MINDY2: variants seen among roughly 807,000 people sequenced by gnomAD.
The protein encoded by MINDY2 is ubiquitin carboxyl-terminal hydrolase MINDY-2.
MINDY2 carries 52 observed loss-of-function variants against 68.2 expected under a neutral mutation model. The ratio of observed to expected loss-of-function variants is 0.76; its 90% CI spans 0.61 to 0.96. The LOEUF (loss-of-function observed/expected upper bound fraction) is 0.96. MINDY2 is among the 40% of genes least tolerant of loss of function. MINDY2 has a pLI of 0.00. For missense variants in MINDY2, 881 were observed against 773.4 expected (o/e 1.14, Z -1.65); for synonymous variants, 372 against 303.0 (o/e 1.23, Z -2.36).
At chr15:58,847,614 T>A in intron 7 of MINDY2, 144 bp downstream of exon 7, 1 of 610,996 alleles carries the variant, frequency 1.6e-6, no homozygotes, top group Non-Finnish European at 2.7e-6. Flanking sequence ...TAGTTGGTGA[T>A]CATTCTACAT....
intron 5 of MINDY2, among the ~76,000 whole-genome samples, chr15:58,829,187 CTAAT>C (rs1351073858): frequency 5.3e-5 from 8 of 152,104 alleles, no homozygotes; most frequent in Non-Finnish European, 1.0e-4. Flanking sequence ...TCAATAAAGG[CTAAT>C]TAATTATAAA....
chr15:58,823,020 A>G (rs973783961), intron 5 of MINDY2, among the ~76,000 whole-genome samples: 21 of 152,208 alleles, frequency 1.4e-4, no homozygotes, highest in African/African-American at 4.3e-4. Context: ...TATATTAATC[A>G]GAATCCAACT....
intron 6 of MINDY2, 95 bp from the exon 7 acceptor site, chr15:58,847,202 T>G (rs2032578268): frequency 4.2e-6 from 4 of 951,206 alleles, no homozygotes; most frequent in Non-Finnish European, 6.1e-6. Flanking sequence ...GTTTAATATA[T>G]TCTGAAGATA....
rs1269021807 is a variant in MINDY2, at chr15:58,855,912, T to C, written c.*1302T>C. ...TCCAGCCTGGGTGACAGAGGGAGAC[T>C]CCGTCTCAAAAAAAAAAAAGTCTGA... On this transcript the variant is annotated 3_prime_UTR_variant, in exon 9 of 9. Transcript: ENST00000559228. 1 of 151,674 alleles carries C rather than the reference T, an allele frequency of 6.6e-6. No homozygotes were observed. The allele number at this position is 151,674 out of a possible 1,614,324, so 9.4% of individuals were successfully genotyped here.
chr15:58,803,607 A>G (rs991796952), intron 3 of MINDY2, among the ~76,000 whole-genome samples: 1 of 152,148 alleles, frequency 6.6e-6, no homozygotes, highest in Non-Finnish European at 1.5e-5. Flanking sequence ...ACTTGAGGCC[A>G]GGAGTTCGAG....
chr15:58,788,090 G>A (rs899607322), intron 2 of MINDY2, 127 bp downstream of exon 2: 1 of 582,696 alleles, frequency 1.7e-6, no homozygotes, highest in Admixed American at 3.3e-5. Context: ...TTTTGAATCT[G>A]CTAATTAAAA....
intron 4 of MINDY2, among the ~76,000 whole-genome samples, chr15:58,814,823 G>A (rs866384116): frequency 7.3e-5 from 10 of 136,560 alleles, no homozygotes; most frequent in African/African-American, 8.3e-5. Context: ...TAGAAACGGC[G>A]TGTCACTGTA....
At chr15:58,832,035 T>A in intron 6 of MINDY2, 119 bp downstream of exon 6, 1 of 871,542 alleles carries the variant, frequency 1.1e-6, no homozygotes, top group East Asian at 2.9e-5. Context: ...AACCATCAAA[T>A]TATGAAGGTA....
chr15:58,824,457 C>A (rs1308223031), intron 5 of MINDY2, among the ~76,000 whole-genome samples: 1 of 151,898 alleles, frequency 6.6e-6, no homozygotes, highest in African/African-American at 2.4e-5. Context: ...ACCATATTTC[C>A]ATATTAAAGA....
Position 58,772,106 on chromosome 15 carries a change from C to T in MINDY2, c.711C>T (p.Phe237=). The change falls in exon 1 of 9, where the codon TTC becomes TTT. Residue 237 remains phenylalanine (F), a synonymous_variant. Transcript: ENST00000559228. ...AQVLAASKER[F]PGQSVYHIKW... ...TGCTGGCGGCCTCCAAGGAACGCTT[C>T]CCGGGACAATCTGTGTATCACATCA... 1 of 1,613,972 alleles carries T rather than the reference C, an allele frequency of 6.2e-7. No homozygotes were observed. The highest frequency in any genetic ancestry group is 8.5e-7 in the Non-Finnish European group (1 of 1,179,910).
chr15:58,797,606 G>A (rs557698493), intron 2 of MINDY2, among the ~76,000 whole-genome samples: 2 of 152,296 alleles, frequency 1.3e-5, no homozygotes, highest in African/African-American at 2.4e-5. Flanking sequence ...TCAAATTCGT[G>A]GCTTGCATTA....
At chr15:58,818,220 A>G (rs755327834) in intron 4 of MINDY2, among the ~76,000 whole-genome samples, 1 of 152,158 alleles carries the variant, frequency 6.6e-6, no homozygotes, top group East Asian at 1.9e-4. Flanking sequence ...CCTTGCATGT[A>G]GTAGTATGTA....
intron 7 of MINDY2, among the ~76,000 whole-genome samples, chr15:58,850,438 TA>T (rs1489728901): frequency 6.6e-6 from 1 of 152,168 alleles, no homozygotes; most frequent in Non-Finnish European, 1.5e-5. Context: ...AAAATAATAA[TA>T]AACTACTGTT....
chr15:58,791,488 G>A (rs1026166640), intron 2 of MINDY2, among the ~76,000 whole-genome samples: 6 of 151,366 alleles, frequency 4.0e-5, no homozygotes, highest in Non-Finnish European at 7.4e-5. Flanking sequence ...GTGATGGTGT[G>A]CACCTGTAGT....
At chr15:58,825,635 G>A (rs1024104927) in intron 5 of MINDY2, among the ~76,000 whole-genome samples, 1 of 152,166 alleles carries the variant, frequency 6.6e-6, no homozygotes, top group South Asian at 2.1e-4. Flanking sequence ...GTCTTGCTCA[G>A]CTGCCCAGGC....
chr15:58,824,378 A>G (rs1444636470), intron 5 of MINDY2, among the ~76,000 whole-genome samples: 1 of 152,184 alleles, frequency 6.6e-6, no homozygotes, highest in Non-Finnish European at 1.5e-5. Flanking sequence ...TAGAATTTTT[A>G]GGGAATATCT....
chr15:58,833,889 G>T (rs531951639), intron 6 of MINDY2, among the ~76,000 whole-genome samples: 1 of 152,162 alleles, frequency 6.6e-6, no homozygotes, highest in African/African-American at 2.4e-5. Context: ...ATGGGTGTCG[G>T]GCTGCCGGAC....
intron 6 of MINDY2, among the ~76,000 whole-genome samples, chr15:58,841,846 A>T (rs1015662873): frequency 5.3e-5 from 8 of 152,216 alleles, no homozygotes; most frequent in African/African-American, 1.9e-4. Context: ...AAGTGTAAAG[A>T]TGGGTTGTAA....
At chr15:58,814,840 G>A (rs1304170329) in intron 4 of MINDY2, among the ~76,000 whole-genome samples, 1 of 137,396 alleles carries the variant, frequency 7.3e-6, no homozygotes, top group Non-Finnish European at 1.5e-5. Flanking sequence ...TGTATGACAC[G>A]CTTGAACTCC....
Sources: gnomAD v4.1 joint callset for allele counts (sites outside exome capture counted in the v4.1 genomes callset) on GRCh38, gnomAD v4.1.1 for gene constraint, MANE v1.5 for transcripts, NCBI Gene and HGNC (gene_info 2026-07-23, HGNC 2026-07-21) for gene names.